The following SYNE1 variants were observed in gnomAD, a reference collection of about 807,000 sequenced individuals.
SYNE1 encodes nesprin-1.
A neutral mutation model predicts 1,111.0 loss-of-function variants in SYNE1; 616 were observed. The observed-to-expected ratio is 0.55, with a 90% CI of 0.52 to 0.59. The LOEUF is 0.59. SYNE1 is among the 20% of genes least tolerant of loss of function. The probability of loss-of-function intolerance (pLI) is 0.00; values close to 1 mark genes in which losing one functional copy is unlikely to be tolerated. For missense variants in SYNE1, 10,006 were observed against 10,417.0 expected, an observed-to-expected ratio of 0.96 and a Z score of 1.72; for synonymous variants, 3,855 against 3,825.8, an observed-to-expected ratio of 1.01 and a Z score of -0.28.
intron 8 of SYNE1, among the ~76,000 whole-genome samples, chr6:152,506,346 C>G (rs1270053305): frequency 6.6e-6 from 1 of 152,004 alleles, no homozygotes; most frequent in Non-Finnish European, 1.5e-5. Context: ...AGGGAACATT[C>G]AATGGATAAA....
At chr6:152,128,960 G>A (rs1211814045) in intron 145 of SYNE1, 2 of 152,232 alleles carry the variant, frequency 1.3e-5, no homozygotes, top group African/African-American at 4.8e-5. Flanking sequence ...TTGCCATTCA[G>A]GTGAAGATTA....
chr6:152,363,750 A>AAT, intron 63 of SYNE1: 2 of 455,222 alleles, frequency 4.4e-6, no homozygotes, highest in Non-Finnish European at 8.8e-6. Flanking sequence ...GTTTGAGGGC[A>AAT]ATATAGGCAC....
chr6:152,542,835 T>C (rs984703636), intron 3 of SYNE1, among the ~76,000 whole-genome samples: 4 of 152,150 alleles, frequency 2.6e-5, no homozygotes, highest in African/African-American at 9.7e-5. Flanking sequence ...TCAAGGTAGG[T>C]TGGATGGAAT....
Position 152,362,210 on chromosome 6 carries a change from G to A in SYNE1, c.10259C>T (p.Ala3420Val), listed in dbSNP as rs748911036. ...ANLNESERQH[A>V]ELRDKTTMLG... ...CATCGTTGTTTTATCCCGCAGCTCC[G>A]CATGCTGCCTTTCTGATTCATTCAG... Residue 3420 changes from alanine (A) to valine (V), a missense_variant, in exon 64 of 146, where the codon GCG becomes GTG. Coordinates refer to ENST00000367255, the MANE Select transcript of SYNE1 (RefSeq NM_182961.4). 1.3e-5 allele frequency: 21 copies of A among 1,614,076 alleles called. No individual in the cohort carries two copies. The South Asian group carries it at 1.4e-4, about 11-fold the overall frequency.
At chr6:152,450,878 C>G in intron 26 of SYNE1, 45 bp from the exon 27 acceptor site, 1 of 1,600,984 alleles carries the variant, frequency 6.2e-7, no homozygotes, top group South Asian at 1.1e-5. Flanking sequence ...AGAAGCCACA[C>G]AGTACTTCTA....
chr6:152,588,351 G>A (rs2099547071), intron 3 of SYNE1, among the ~76,000 whole-genome samples: 1 of 152,180 alleles, frequency 6.6e-6, no homozygotes, highest in African/African-American at 2.4e-5. Flanking sequence ...ACCGTGCTGG[G>A]CTAAATAGAG....
Position 152,505,193 on chromosome 6 carries a change from C to A in SYNE1, c.778+8G>T. ...AGGTATATAACAGTCAATGAATATT[C>A]AGCCTACCTTCAGGATCTAGCAGTC... On this transcript the variant is annotated splice_region_variant and intron_variant, in intron 9 of 145. Transcript: ENST00000367255. 1.9e-6 allele frequency: 3 copies of A among 1,613,960 alleles called. No homozygotes were observed. The highest frequency in any genetic ancestry group is 2.5e-6 in the Non-Finnish European group (3 of 1,179,898).
chr6:152,216,157 T>C (rs1376285097), intron 121 of SYNE1, among the ~76,000 whole-genome samples: 2 of 152,206 alleles, frequency 1.3e-5, no homozygotes, highest in Admixed American at 1.3e-4. Context: ...CTCATGTTTT[T>C]TGAAGAAAGA....
chr6:152,164,441 A>G, intron 130 of SYNE1, 116 bp from the exon 131 acceptor site: 1 of 1,230,264 alleles, frequency 8.1e-7, no homozygotes. Context: ...TTAGAAACTC[A>G]TGTGGAAGAA....
rs1287197021 is a variant in SYNE1 at position 152,398,055 on chromosome 6, A to T, written c.7350+564T>A. On this transcript the variant is annotated intron_variant, in intron 49 of 145. Coordinates refer to ENST00000367255, the MANE Select transcript of SYNE1 (RefSeq NM_182961.4). ...TTTAGAATACTTAACATAGTGCTTT[A>T]CTCGGATTAGCTGCTTGACAAGCTT... Among the ~76,000 whole-genome samples, 6 of 152,090 alleles carry T rather than the reference A, an allele frequency of 3.9e-5. No homozygotes were observed. In the East Asian group the frequency reaches 1.2e-3, roughly 29 times the overall value.
At chr6:152,519,088 G>T (rs533210371) in intron 6 of SYNE1, among the ~76,000 whole-genome samples, 2 of 152,084 alleles carry the variant, frequency 1.3e-5, no homozygotes, top group Admixed American at 6.5e-5. Flanking sequence ...GTATACATAT[G>T]TAACAAACCT....
At chr6:152,416,239 C>T in intron 41 of SYNE1, 148 bp downstream of exon 41, 1 of 1,093,706 alleles carries the variant, frequency 9.1e-7, no homozygotes, top group Non-Finnish European at 1.4e-6. Flanking sequence ...TGACTCAACT[C>T]AGCTTAATTT....
chr6:152,157,272 C>T (rs2061559696), intron 131 of SYNE1, among the ~76,000 whole-genome samples: 2 of 152,154 alleles, frequency 1.3e-5, no homozygotes, highest in South Asian at 4.1e-4. Context: ...ATGTTGTTTG[C>T]AGCAACATGG....
rs962749718 is a variant in SYNE1, at chr6:152,510,301, A to G, written c.473T>C (p.Ile158Thr). The change falls in exon 8 of 146, where the codon ATA becomes ACA. Residue 158 changes from isoleucine (I) to threonine (T), a missense_variant. By Grantham distance (89) the Ile-to-Thr change is moderately conservative (BLOSUM62 -1). Coordinates refer to ENST00000367255, the MANE Select transcript of SYNE1 (RefSeq NM_182961.4). ...TGGGCTGGGAGTCTCAGAGCTAACT[A>G]TGCTGTCCACGGAGGATGCGCTGCT... Reference protein sequence around the residue: ...LSSSASSVDSIVSSETPSPPS... With the variant: ...LSSSASSVDSTVSSETPSPPS... 3 of 1,614,002 alleles carry G rather than the reference A, an allele frequency of 1.9e-6. No homozygotes were observed. Among genetic ancestry groups the G allele is most frequent in the Non-Finnish European group, 2.5e-6 (3 of 1,180,000 alleles).
chr6:152,457,839 T>A (rs532917575), intron 22 of SYNE1, among the ~76,000 whole-genome samples: 1 of 151,842 alleles, frequency 6.6e-6, no homozygotes, highest in African/African-American at 2.4e-5. Context: ...CAGCAGGTAA[T>A]GCCTAAAGCT....
rs955234582 is a variant in SYNE1 at position 152,312,861 on chromosome 6, G to A, written c.16711-1988C>T. Among the ~76,000 whole-genome samples the A allele has an allele frequency of 2.6e-5, 4 of 152,130 alleles. No homozygotes were observed. The East Asian group carries it at 5.8e-4, about 22-fold the overall frequency. On this transcript the variant is annotated intron_variant, in intron 87 of 145. Transcript: ENST00000367255. ...TCTTTCTTTTTCACCCGACCTTAGC[G>A]TTACCGGAAAAAGGTCCCAATCCAG...
intron 75 of SYNE1, among the ~76,000 whole-genome samples, chr6:152,337,578 T>C (rs2096429253): frequency 6.6e-6 from 1 of 152,194 alleles, no homozygotes; most frequent in South Asian, 2.1e-4. Context: ...AGTGAGCCAC[T>C]GCGCCCAGCG....
In SYNE1 at chr6:152,323,580, C is replaced by G; in HGVS notation, c.15815G>C (p.Arg5272Pro). The G allele has an allele frequency of 6.2e-7, 1 of 1,614,188 alleles. No individual in the cohort carries two copies. The highest frequency in any genetic ancestry group is 8.5e-7 in the Non-Finnish European group (1 of 1,180,022). Residue 5272 changes from arginine (R) to proline (P), a missense_variant, in exon 82 of 146, where the codon CGG becomes CCG. By Grantham distance (103) the Arg-to-Pro change is moderately radical. This residue lies in a region of SYNE1 where 4,955 missense variants were observed against 5,017.2 expected (regional missense o/e 0.99). Coordinates refer to ENST00000367255, the MANE Select transcript of SYNE1 (RefSeq NM_182961.4). ...EQQQSALGMLRQQTLSMLQDG... is the reference protein window; with the variant it reads ...EQQQSALGMLPQQTLSMLQDG... ...CTGGAGCATGCTCAGGGTTTGCTGCCGCAGCATGCCCAAGGCCGACTGCTG... is the reference window on the plus strand; with the variant it reads ...CTGGAGCATGCTCAGGGTTTGCTGCGGCAGCATGCCCAAGGCCGACTGCTG...
intron 93 of SYNE1, among the ~76,000 whole-genome samples, chr6:152,294,822 A>G (rs1243051251): frequency 1.3e-5 from 2 of 152,190 alleles, no homozygotes; most frequent in African/African-American, 4.8e-5. Flanking sequence ...AATTTACTAT[A>G]TCAAGAGATA....
Sources: allele counts gnomAD v4.1 joint callset (sites outside exome capture counted in the v4.1 genomes callset), GRCh38; gene constraint gnomAD v4.1.1; regional missense constraint gnomAD v4.1.1; transcripts MANE v1.5; gene names NCBI Gene and HGNC (gene_info 2026-07-23, HGNC 2026-07-21).